Variants in ULK4 observed in about 807,000 individuals in gnomAD.
ULK4 encodes the protein inactive serine/threonine-protein kinase ULK4.
A neutral mutation model predicts 160.6 loss-of-function variants in ULK4; 133 were observed. The observed-to-expected ratio is 0.83, with a 90% CI of 0.72 to 0.96. The LOEUF (loss-of-function observed/expected upper bound fraction) is 0.96. Ranked by LOEUF, ULK4 falls within the 40% of genes least tolerant of loss-of-function variation. ULK4 has a pLI of 0.00. For missense variants in ULK4, 1,580 were observed against 1,499.5 expected (o/e 1.05, Z -0.89); for synonymous variants, 534 against 539.8 (o/e 0.99, Z 0.15).
intron 3 of ULK4, chr3:41,937,175 T>C (rs932970783): frequency 3.3e-5 from 15 of 461,106 alleles, no homozygotes; most frequent in Non-Finnish European, 5.4e-5. Flanking sequence ...TATTTTGTTT[T>C]GGTGGGTGAC....
At chr3:41,859,495 C>T (rs2042447020) in intron 17 of ULK4, 1 of 548,032 alleles carries the variant, frequency 1.8e-6, no homozygotes, top group Non-Finnish European at 3.7e-6. Flanking sequence ...GATAACTTCC[C>T]AGTAAGGACC....
intron 30 of ULK4, among the ~76,000 whole-genome samples, chr3:41,652,726 A>G (rs932670418): frequency 6.6e-6 from 1 of 152,228 alleles, no homozygotes; most frequent in Non-Finnish European, 1.5e-5. Flanking sequence ...TCCACATGAC[A>G]CTGAGAACGA....
At chr3:41,464,071 C>T (rs750613928) in intron 32 of ULK4, among the ~76,000 whole-genome samples, 11 of 151,518 alleles carry the variant, frequency 7.3e-5, no homozygotes, top group African/African-American at 1.5e-4. Flanking sequence ...GGGAAAAGCA[C>T]GGCAAGGAAG....
In ULK4 at chr3:41,953,285, C is replaced by CACACACAT. The variant is rs374288098; in HGVS notation, c.138+1336_138+1337insATGTGTGT. ...ATATACACATATATACATATATACA[C>CACACACAT]ATATATATATATATATATATTTTTT... On this transcript the variant is annotated intron_variant, in intron 2 of 36. Coordinates refer to ENST00000301831, the MANE Select transcript of ULK4 (RefSeq NM_017886.4). Among the ~76,000 whole-genome samples, 4 of 85,928 alleles carry CACACACAT rather than the reference C, an allele frequency of 4.7e-5. No homozygotes were observed. In the East Asian group the frequency reaches 1.1e-3, roughly 24 times the overall value. 56.4% of individuals were successfully genotyped at this position (85,928 alleles called of 152,430 possible).
chr3:41,717,803 T>C lies in ULK4; in HGVS notation c.2380A>G (p.Ser794Gly), dbSNP rs1237106622. The C allele has an allele frequency of 1.9e-6, 3 of 1,614,140 alleles. No homozygotes were observed. Among genetic ancestry groups the C allele is most frequent in the African/African-American group, 1.3e-5 (1 of 75,052 alleles). Residue 794 changes from serine (S) to glycine (G), a missense_variant, in exon 23 of 37, where the codon AGT becomes GGT. Transcript: ENST00000301831. ...CATTTGGACAGGTATTCATTGCCAC[T>C]TTGCTGCTCCTTGCCTGGAGTGGTC... ...RKTTPGKEQQ[S>G]GNEYLSKCLD...
At chr3:41,817,409 G>A (rs1280177412) in intron 19 of ULK4, among the ~76,000 whole-genome samples, 3 of 152,092 alleles carry the variant, frequency 2.0e-5, no homozygotes, top group Non-Finnish European at 4.4e-5. Context: ...AGAAAATGTA[G>A]TACATATACA....
chr3:41,532,238 G>A (rs554317185), intron 32 of ULK4, among the ~76,000 whole-genome samples: 9 of 152,064 alleles, frequency 5.9e-5, no homozygotes, highest in Admixed American at 1.3e-4. Context: ...CCAGGTGTGC[G>A]CCCACTCTGA....
intron 35 of ULK4, among the ~76,000 whole-genome samples, chr3:41,307,171 A>C (rs28507690): frequency 1.4e-4 from 21 of 151,272 alleles, no homozygotes; most frequent in South Asian, 8.4e-4. Flanking sequence ...AAAAAAAAAA[A>C]AACTGGAATA....
chr3:41,550,099 C>T (rs1383380590), intron 32 of ULK4, among the ~76,000 whole-genome samples: 2 of 151,852 alleles, frequency 1.3e-5, no homozygotes, highest in Non-Finnish European at 2.9e-5. Context: ...CAATATTTAC[C>T]ATCACAAAAG....
intron 32 of ULK4, among the ~76,000 whole-genome samples, chr3:41,507,379 C>T: frequency 6.6e-6 from 1 of 151,986 alleles, no homozygotes; most frequent in Non-Finnish European, 1.5e-5. Flanking sequence ...GAAGCCATCA[C>T]AATTAGCATG....
chr3:41,941,755 CAAAAAAAAAAAAA>C (rs565727539), intron 2 of ULK4, among the ~76,000 whole-genome samples: 1 of 30,730 alleles, frequency 3.3e-5, no homozygotes, highest in African/African-American at 8.1e-5. Context: ...GACTCTGTCT[CAAAAAAAAAAAAA>C]AAAAAAAAAA....
intron 32 of ULK4, among the ~76,000 whole-genome samples, chr3:41,489,557 A>C (rs1055869406): frequency 6.6e-6 from 1 of 152,144 alleles, no homozygotes; most frequent in Non-Finnish European, 1.5e-5. Flanking sequence ...TTCCTGGCAC[A>C]ATCTTTTCTC....
At chr3:41,268,257 T>A (rs2079078291) in intron 35 of ULK4, among the ~76,000 whole-genome samples, 1 of 152,192 alleles carries the variant, frequency 6.6e-6, no homozygotes, top group African/African-American at 2.4e-5. Flanking sequence ...CTGTGTTGCC[T>A]TCTCATGTTA....
intron 3 of ULK4, chr3:41,937,372 T>A: frequency 1.5e-6 from 1 of 682,686 alleles, no homozygotes; most frequent in East Asian, 2.7e-5. Flanking sequence ...ATCAAATAAG[T>A]TATTAATCCA....
At chr3:41,291,736 G>A (rs1559507809) in intron 35 of ULK4, among the ~76,000 whole-genome samples, 1 of 152,094 alleles carries the variant, frequency 6.6e-6, no homozygotes, top group African/African-American at 2.4e-5. Context: ...GGGGCTTCTG[G>A]GGTACTGCGA....
At chr3:41,813,971 G>C (rs1158524960) in intron 19 of ULK4, among the ~76,000 whole-genome samples, 1 of 152,202 alleles carries the variant, frequency 6.6e-6, no homozygotes, top group Non-Finnish European at 1.5e-5. Flanking sequence ...GAACTATTGA[G>C]AGTGGTATGA....
intron 22 of ULK4, among the ~76,000 whole-genome samples, chr3:41,750,565 A>G (rs2038585994): frequency 6.6e-6 from 1 of 152,164 alleles, no homozygotes; most frequent in Non-Finnish European, 1.5e-5. Flanking sequence ...CAAAGCACCA[A>G]TGCTATCCCT....
intron 17 of ULK4, among the ~76,000 whole-genome samples, chr3:41,842,665 A>G (rs1459543827): frequency 3.3e-5 from 5 of 152,222 alleles, no homozygotes; most frequent in Non-Finnish European, 7.3e-5. Context: ...GAGTGGAAAC[A>G]GCCTGAAGCC....
At chr3:41,361,483 G>A (rs1231157409) in intron 35 of ULK4, among the ~76,000 whole-genome samples, 2 of 152,158 alleles carry the variant, frequency 1.3e-5, no homozygotes, top group Non-Finnish European at 2.9e-5. Flanking sequence ...GCCATTCTTT[G>A]TGGAAGCAGC....
Sources: gnomAD v4.1 joint callset for allele counts (sites outside exome capture counted in the v4.1 genomes callset) on GRCh38, gnomAD v4.1.1 for gene constraint, MANE v1.5 for transcripts, NCBI Gene and HGNC (gene_info 2026-07-23, HGNC 2026-07-21) for gene names.